The following IBTK variants were observed in gnomAD, a reference collection of about 807,000 sequenced individuals.
The protein encoded by IBTK is BTK-binding protein.
A neutral mutation model predicts 154.9 loss-of-function variants in IBTK; 83 were observed. That is an observed-to-expected ratio of 0.54 (90% CI 0.45 to 0.64). The LOEUF is 0.64. IBTK is among the 30% of genes least tolerant of loss of function. IBTK has a pLI of 0.00. For synonymous variants in IBTK, 515 were observed against 536.1 expected (o/e 0.96, Z 0.54); for missense variants, 1,332 against 1,584.6 (o/e 0.84, Z 2.71).
chr6:82,186,701 A>AT (rs1768570070), intron 25 of IBTK, among the ~76,000 whole-genome samples: 1 of 152,218 alleles, frequency 6.6e-6, no homozygotes, highest in South Asian at 2.1e-4. Flanking sequence ...CTTGATGATA[A>AT]TAATTCAGAA....
intron 2 of IBTK, among the ~76,000 whole-genome samples, chr6:82,237,196 G>A (rs1185389061): frequency 6.6e-6 from 1 of 151,576 alleles, no homozygotes; most frequent in East Asian, 1.9e-4. Flanking sequence ...CAAACCCAGG[G>A]ACCTTCTCAA....
rs987017150 is a variant in IBTK at position 82,215,932 on chromosome 6, T to A, written c.1601+144A>T. Reference sequence around the variant, plus strand: ...TCTACCTCTGGATTATCTGTAGACATAATCTGTAAACATGATTATGTCTAA... The same window carrying A: ...TCTACCTCTGGATTATCTGTAGACAAAATCTGTAAACATGATTATGTCTAA... On this transcript the variant is annotated intron_variant, in intron 11 of 28. Coordinates refer to ENST00000306270, the MANE Select transcript of IBTK (RefSeq NM_015525.4). The A allele has an allele frequency of 5.2e-6, 3 of 577,672 alleles. No homozygotes were observed. In the African/African-American group the frequency reaches 5.8e-5, roughly 11 times the overall value. 35.8% of individuals were successfully genotyped at this position (577,672 alleles called of 1,614,324 possible). A position where few individuals can be genotyped will look rare whatever the true frequency, so the allele number is the denominator to read the frequency against.
rs1053318970 is a variant in IBTK, at chr6:82,240,188, T to C, written c.299A>G (p.Asp100Gly). 12 of 1,613,400 alleles carry C rather than the reference T, an allele frequency of 7.4e-6. No individual in the cohort carries two copies. Among genetic ancestry groups the C allele is most frequent in the Non-Finnish European group, 9.3e-6 (11 of 1,179,584 alleles). The change falls in exon 2 of 29, where the codon GAT becomes GGT. Residue 100 changes from aspartate to glycine, a missense_variant. Coordinates refer to ENST00000306270, the MANE Select transcript of IBTK (RefSeq NM_015525.4). ...LHRSIFYGHIDCVWSLLKHGV... is the reference protein window; with the variant it reads ...LHRSIFYGHIGCVWSLLKHGV... ...TACCTTCAATAGAGACCAAACACAA[T>C]CAATATGTCCATAAAAAATGCTTCT...
chr6:82,235,908 C>T (rs892430193), intron 2 of IBTK, among the ~76,000 whole-genome samples: 2 of 152,068 alleles, frequency 1.3e-5, no homozygotes, highest in Non-Finnish European at 2.9e-5. Flanking sequence ...GAGTCTTGCT[C>T]TGTCACCCAG....
intron 8 of IBTK, among the ~76,000 whole-genome samples, chr6:82,221,704 T>C (rs1770107938): frequency 6.6e-6 from 1 of 152,232 alleles, no homozygotes; most frequent in Non-Finnish European, 1.5e-5. Context: ...AACATATTTA[T>C]GTGATTTAAT....
chr6:82,175,343 C>A (rs539973605), intron 26 of IBTK, among the ~76,000 whole-genome samples: 1 of 152,294 alleles, frequency 6.6e-6, no homozygotes, highest in South Asian at 2.1e-4. Context: ...GGTATTACTA[C>A]TCTCATTTCC....
chr6:82,234,051 G>A, intron 3 of IBTK, 108 bp downstream of exon 3: 1 of 474,390 alleles, frequency 2.1e-6, no homozygotes. Flanking sequence ...TTTCTTACCA[G>A]TATTCTCGAA....
intron 16 of IBTK, among the ~76,000 whole-genome samples, chr6:82,209,470 A>C (rs1769544178): frequency 6.6e-6 from 1 of 152,222 alleles, no homozygotes; most frequent in Non-Finnish European, 1.5e-5. Context: ...ATAAAAGGTC[A>C]CATGTTGTTT....
Position 82,240,662 on chromosome 6 carries a change from C to A in IBTK, c.-176G>T. The A allele has an allele frequency of 3.9e-6, 2 of 516,256 alleles. No individual in the cohort carries two copies. Among genetic ancestry groups the A allele is most frequent in the Non-Finnish European group, 3.3e-6 (1 of 302,002 alleles). 32.0% of individuals were successfully genotyped at this position (516,256 alleles called of 1,614,324 possible). A position where few individuals can be genotyped will look rare whatever the true frequency, so the allele number is the denominator to read the frequency against. On this transcript the variant is annotated 5_prime_UTR_variant, in exon 2 of 29. Coordinates refer to ENST00000306270, the MANE Select transcript of IBTK (RefSeq NM_015525.4). ...TATATATCTTTATACAATTTTTTGGCACTTAAATCAAAAAAATTATAAATA... is the reference window on the plus strand; with the variant it reads ...TATATATCTTTATACAATTTTTTGGAACTTAAATCAAAAAAATTATAAATA...
Position 82,170,456 on chromosome 6 carries a change from T to G in IBTK, c.*969A>C, listed in dbSNP as rs1767895447. On this transcript the variant is annotated 3_prime_UTR_variant, in exon 29 of 29. Transcript: ENST00000306270. ...CTGAAGCACAAATTTAACATTTGTT[T>G]TTGCAAAATTTAAACACTCAGAAAC... 1 of 152,174 alleles carries G rather than the reference T, an allele frequency of 6.6e-6. No homozygotes were observed. The highest frequency in any genetic ancestry group is 1.5e-5 in the Non-Finnish European group (1 of 68,036). 9.4% of individuals were successfully genotyped at this position (152,174 alleles called of 1,614,324 possible).
chr6:82,233,711 GTTTTTT>G lies in IBTK; in HGVS notation c.418+442_418+447del, dbSNP rs375746607. 3.3e-5 allele frequency among the ~76,000 whole-genome samples: 4 copies of G among 122,844 alleles called. No homozygotes were observed. The East Asian group carries it at 9.8e-4, about 30-fold the overall frequency. The allele number at this position is 122,844 out of a possible 152,430, so 80.6% of individuals were successfully genotyped here. On this transcript the variant is annotated intron_variant, in intron 3 of 28. Transcript: ENST00000306270. ...CACCTTAATGGAATACATTTGTAAA[GTTTTTT>G]TTTTTTTTTTTTTTGAGACGAAGTC...
intron 17 of IBTK, among the ~76,000 whole-genome samples, chr6:82,203,770 T>C (rs1184677818): frequency 6.6e-6 from 1 of 152,148 alleles, no homozygotes; most frequent in Non-Finnish European, 1.5e-5. Context: ...ATATCACTTA[T>C]ATGTATGTCT....
intron 16 of IBTK, among the ~76,000 whole-genome samples, chr6:82,207,579 A>T (rs2127810981): frequency 6.6e-6 from 1 of 152,288 alleles, no homozygotes; most frequent in Non-Finnish European, 1.5e-5. Flanking sequence ...AAATTGGCAA[A>T]CTAATCCTAA....
At chr6:82,221,956 G>A (rs1396862985) in intron 8 of IBTK, among the ~76,000 whole-genome samples, 2 of 152,132 alleles carry the variant, frequency 1.3e-5, no homozygotes, top group Non-Finnish European at 2.9e-5. Context: ...CCTGAGGTCA[G>A]GAGTTCGAGA....
At chr6:82,220,797 A>G in intron 8 of IBTK, 84 bp from the exon 9 acceptor site, 1 of 1,078,770 alleles carries the variant, frequency 9.3e-7, no homozygotes, top group East Asian at 2.7e-5. Context: ...GTATTCAAAC[A>G]ACAATCTATA....
intron 10 of IBTK, among the ~76,000 whole-genome samples, chr6:82,217,059 A>T (rs1384231726): frequency 1.3e-5 from 2 of 152,200 alleles, no homozygotes; most frequent in African/African-American, 2.4e-5. Context: ...TCTGGAAAAA[A>T]GTGGAAAGAT....
chr6:82,171,329 AATG>A lies in IBTK; in HGVS notation c.*93_*95del, dbSNP rs1767921634. ...TTATATCTTTTCTTAATCTATTTAG[AATG>A]ATATTACAAAATCTCTAAGACTCTT... is the stretch of plus-strand genomic sequence containing the variant. On this transcript the variant is annotated 3_prime_UTR_variant, in exon 29 of 29. Coordinates refer to ENST00000306270, the MANE Select transcript of IBTK (RefSeq NM_015525.4). The A allele has an allele frequency of 1.1e-6, 1 of 945,160 alleles. No homozygotes were observed. Among genetic ancestry groups the A allele is most frequent in the African/African-American group, 1.7e-5 (1 of 60,418 alleles). The allele number at this position is 945,160 out of a possible 1,614,324, so 58.5% of individuals were successfully genotyped here.
chr6:82,219,250 C>T (rs935907935), intron 9 of IBTK, among the ~76,000 whole-genome samples: 1 of 152,096 alleles, frequency 6.6e-6, no homozygotes, highest in African/African-American at 2.4e-5. Flanking sequence ...CACCATCCAA[C>T]AGCTATTCTT....
intron 2 of IBTK, among the ~76,000 whole-genome samples, chr6:82,237,460 G>C (rs1770759377): frequency 6.6e-6 from 1 of 151,836 alleles, no homozygotes; most frequent in Admixed American, 6.6e-5. Flanking sequence ...GAAAAAAAAA[G>C]GAAAGTGCTA....
Sources: allele counts gnomAD v4.1 joint callset (sites outside exome capture counted in the v4.1 genomes callset), GRCh38; gene constraint gnomAD v4.1.1; transcripts MANE v1.5; gene names NCBI Gene and HGNC (gene_info 2026-07-23, HGNC 2026-07-21).